Variants in LIN9 observed in about 807,000 individuals in gnomAD.
LIN9 encodes the protein protein lin-9 homolog.
Under a neutral mutation model 78.0 loss-of-function variants are expected in LIN9, and 18 were observed. The ratio of observed to expected loss-of-function variants is 0.23; its 90% CI spans 0.16 to 0.34. The LOEUF is 0.34. LIN9 is among the 10% of genes least tolerant of loss of function. The pLI is 1.00. For synonymous variants in LIN9, 192 were observed against 215.2 expected (o/e 0.89, Z 0.94); for missense variants, 451 against 644.1 (o/e 0.70, Z 3.25).
intron 4 of LIN9, 33 bp downstream of exon 4, chr1:226,295,809 T>C (rs759466019): frequency 1.4e-6 from 2 of 1,380,762 alleles, no homozygotes; most frequent in South Asian, 2.5e-5. Flanking sequence ...CTTACTTCCT[T>C]TCCAATGAAA....
chr1:226,244,121 C>T (rs1208133404), intron 11 of LIN9, among the ~76,000 whole-genome samples: 4 of 151,322 alleles, frequency 2.6e-5, no homozygotes, highest in Non-Finnish European at 5.9e-5. Flanking sequence ...AGTGATCCAC[C>T]CACCTCAGCC....
chr1:226,275,464 G>A (rs1660584349), intron 7 of LIN9, among the ~76,000 whole-genome samples: 1 of 152,028 alleles, frequency 6.6e-6, no homozygotes, highest in South Asian at 2.1e-4. Flanking sequence ...GGGAGGCCGA[G>A]GCGGGTGGAT....
chr1:226,244,631 G>A (rs1658346872), intron 11 of LIN9, among the ~76,000 whole-genome samples: 2 of 152,152 alleles, frequency 1.3e-5, no homozygotes, highest in South Asian at 2.1e-4. Flanking sequence ...AAAAATATGA[G>A]CTTATAAGGG....
intron 4 of LIN9, among the ~76,000 whole-genome samples, chr1:226,290,565 C>T (rs964273197): frequency 2.0e-5 from 3 of 152,022 alleles, no homozygotes; most frequent in Non-Finnish European, 4.4e-5. Context: ...TGGTCTTGAT[C>T]TCCTGACCTC....
intron 14 of LIN9, 170 bp from the exon 15 acceptor site, chr1:226,232,776 A>C (rs1272116852): frequency 3.9e-6 from 2 of 517,514 alleles, no homozygotes; most frequent in Non-Finnish European, 6.7e-6. Context: ...AGTTGAACAA[A>C]TATGCTCTAA....
intron 3 of LIN9, among the ~76,000 whole-genome samples, chr1:226,297,413 A>G (rs955897390): frequency 3.9e-5 from 6 of 152,090 alleles, no homozygotes; most frequent in East Asian, 1.9e-4. Flanking sequence ...CCACATATAT[A>G]TATTTTTGCA....
At chr1:226,278,459 C>A (rs1660807992) in intron 6 of LIN9, among the ~76,000 whole-genome samples, 3 of 151,642 alleles carry the variant, frequency 2.0e-5, no homozygotes, top group African/African-American at 7.3e-5. Context: ...ACAAAAAAAC[C>A]TTAAAATCTA....
intron 8 of LIN9, among the ~76,000 whole-genome samples, chr1:226,267,310 T>TTGTGTATATATGTATG (rs1659987925): frequency 3.0e-5 from 1 of 33,622 alleles, no homozygotes; most frequent in African/African-American, 1.1e-4. Flanking sequence ...TGTATATATA[T>TTGTGTATATATGTATG]TATGTATATA....
At chr1:226,298,819 C>T (rs900426072) in intron 2 of LIN9, among the ~76,000 whole-genome samples, 2 of 151,966 alleles carry the variant, frequency 1.3e-5, no homozygotes, top group African/African-American at 2.4e-5. Flanking sequence ...AGGGTCAAAG[C>T]GAGCCAGGGT....
At chr1:226,286,269 A>G (rs560305479) in intron 6 of LIN9, 64 bp downstream of exon 6, 11 of 1,534,464 alleles carry the variant, frequency 7.2e-6, no homozygotes, top group Middle Eastern at 3.5e-4. Context: ...AACTGGGATT[A>G]TAAGTACATG....
intron 4 of LIN9, among the ~76,000 whole-genome samples, chr1:226,288,752 T>C (rs58886105): frequency 0.25 from 36,315 of 147,070 alleles, 4,587 homozygotes; most frequent in South Asian, 0.34. Context: ...AAAAATTAAG[T>C]CTACTGTGAA....
chr1:226,255,507 A>AT (rs1488233239), intron 10 of LIN9, among the ~76,000 whole-genome samples: 4 of 152,134 alleles, frequency 2.6e-5, no homozygotes, highest in African/African-American at 9.7e-5. Flanking sequence ...ATAGTACATC[A>AT]TGTTTGGCAA....
At position 226,285,173 on chromosome 1, in the gene LIN9, T is replaced by C. The variant is rs143696082; in HGVS notation, c.524+1160A>G. On this transcript the variant is annotated intron_variant, in intron 6 of 14. Coordinates refer to ENST00000681046, the MANE Select transcript of LIN9 (RefSeq NM_001366245.2). ...TACAGAACTATGACAAAACAGTAAA[T>C]AGTGACCAATATCCCACTCTGATGG... Among the ~76,000 whole-genome samples, 627 of 152,138 alleles carry C rather than the reference T, an allele frequency of 4.1e-3. 1 individual carries two copies. Among genetic ancestry groups the C allele is most frequent in the African/African-American group, 0.014 (587 of 41,512 alleles).
chr1:226,266,623 A>C (rs1360686968), intron 8 of LIN9, among the ~76,000 whole-genome samples: 1 of 152,106 alleles, frequency 6.6e-6, no homozygotes, highest in Non-Finnish European at 1.5e-5. Flanking sequence ...CAGAGAATCA[A>C]AGATTAATAT....
intron 1 of LIN9, among the ~76,000 whole-genome samples, chr1:226,303,520 T>A (rs1395013445): frequency 1.3e-5 from 2 of 152,210 alleles, no homozygotes; most frequent in African/African-American, 2.4e-5. Flanking sequence ...CATAAGAATA[T>A]CCACTCCTGC....
intron 11 of LIN9, among the ~76,000 whole-genome samples, chr1:226,245,437 C>T (rs977826776): frequency 1.3e-4 from 20 of 151,478 alleles, no homozygotes; most frequent in Non-Finnish European, 1.5e-4. Context: ...TTCCCCCCCC[C>T]CAAGAAACAG....
intron 12 of LIN9, among the ~76,000 whole-genome samples, chr1:226,236,136 T>A (rs561999366): frequency 6.6e-6 from 1 of 152,140 alleles, no homozygotes; most frequent in Non-Finnish European, 1.5e-5. Context: ...TAATTACCAA[T>A]AATGCTTCAA....
chr1:226,308,398 C>T (rs959522043), intron 1 of LIN9, among the ~76,000 whole-genome samples: 1 of 152,102 alleles, frequency 6.6e-6, no homozygotes, highest in East Asian at 1.9e-4. Context: ...CATAAAGGTA[C>T]CTTTATGGCT....
chr1:226,267,793 T>C (rs1660025628), intron 8 of LIN9, among the ~76,000 whole-genome samples, 164 bp downstream of exon 8: 1 of 152,222 alleles, frequency 6.6e-6, no homozygotes, highest in Non-Finnish European at 1.5e-5. Context: ...GACTTAAGTA[T>C]AGATCCGAAC....
Sources: gnomAD v4.1 joint callset for allele counts (sites outside exome capture counted in the v4.1 genomes callset) on GRCh38, gnomAD v4.1.1 for gene constraint, MANE v1.5 for transcripts, NCBI Gene and HGNC (gene_info 2026-07-23, HGNC 2026-07-21) for gene names.